Variants in KANSL1 observed in about 807,000 individuals in gnomAD.
KANSL1 encodes KAT8 regulatory NSL complex subunit 1, also known as MLL1/MLL complex subunit KANSL1.
KANSL1 carries 22 observed loss-of-function variants against 103.6 expected under a neutral mutation model. The observed-to-expected ratio is 0.21, with a 90% CI of 0.15 to 0.30. The LOEUF (loss-of-function observed/expected upper bound fraction) is 0.30. Among genes scored for constraint, KANSL1 ranks in the 10% least tolerant of loss-of-function variants. The probability of loss-of-function intolerance (pLI) is 1.00; values close to 1 mark genes in which losing one functional copy is unlikely to be tolerated. For synonymous variants in KANSL1, 600 were observed against 527.6 expected (o/e 1.14, Z -1.88); for missense variants, 1,337 against 1,399.8 (o/e 0.96, Z 0.72).
intron 3 of KANSL1, chr17:46,088,556 A>G (rs1364685487): frequency 6.6e-6 from 1 of 152,208 alleles, no homozygotes; most frequent in Non-Finnish European, 1.5e-5. Flanking sequence ...ATCCTCAGCT[A>G]CAGCTGTGTA....
chr17:46,126,315 G>A (rs755890963), intron 2 of KANSL1, among the ~76,000 whole-genome samples: 5 of 152,130 alleles, frequency 3.3e-5, no homozygotes, highest in South Asian at 4.1e-4. Flanking sequence ...GGTGATGGGC[G>A]CCTGTAATCC....
intron 4 of KANSL1, among the ~76,000 whole-genome samples, chr17:46,075,923 A>G (rs1598554542): frequency 6.6e-6 from 1 of 152,144 alleles, no homozygotes; most frequent in East Asian, 1.9e-4. Context: ...ATCCTTCCCT[A>G]GGAAACTACC....
chr17:46,158,473 G>A (rs1168745966), intron 2 of KANSL1, among the ~76,000 whole-genome samples: 2 of 151,064 alleles, frequency 1.3e-5, no homozygotes, highest in Non-Finnish European at 2.9e-5. Flanking sequence ...AGTGATTCTT[G>A]CACCTCAGCC....
chr17:46,170,994 TA>T lies in KANSL1; in HGVS notation c.1149del (p.Phe383LeufsTer6). ...CTCAAGTTGGCTATGCCACTAGCTG[TA>T]AATCTCTCCAATTCTTCTGAAATTG... ...SNSISEELER[F>X]TASGIANLRC... On this transcript the variant is annotated frameshift_variant, in exon 2 of 15. Coordinates refer to ENST00000432791, the MANE Select transcript of KANSL1 (RefSeq NM_015443.4). LOFTEE classifies it high-confidence loss of function. 1 of 1,614,218 alleles carries T rather than the reference TA, an allele frequency of 6.2e-7. No homozygotes were observed. The highest frequency in any genetic ancestry group is 8.5e-7 in the Non-Finnish European group (1 of 1,180,054).
chr17:46,209,304 A>G (rs980173640), intron 1 of KANSL1, among the ~76,000 whole-genome samples: 3 of 152,242 alleles, frequency 2.0e-5, no homozygotes, highest in African/African-American at 7.2e-5. Flanking sequence ...AAGACAGCTG[A>G]TATTATATAA....
chr17:46,105,121 C>T (rs2042477196), intron 2 of KANSL1, among the ~76,000 whole-genome samples: 4 of 152,164 alleles, frequency 2.6e-5, no homozygotes, highest in South Asian at 2.1e-4. Flanking sequence ...CCTACTGTGT[C>T]TTCTTTAGAG....
chr17:46,186,218 C>CAA (rs150341818), intron 1 of KANSL1, among the ~76,000 whole-genome samples: 125 of 135,922 alleles, frequency 9.2e-4, no homozygotes, highest in Middle Eastern at 3.5e-3. Context: ...TACTAAAATG[C>CAA]AAAAAAAAAA....
chr17:46,153,294 C>CT, intron 2 of KANSL1, among the ~76,000 whole-genome samples: 1 of 152,332 alleles, frequency 6.6e-6, no homozygotes, highest in African/African-American at 2.4e-5. Context: ...GAAGAGCCCT[C>CT]TTTAAATTTC....
intron 2 of KANSL1, among the ~76,000 whole-genome samples, chr17:46,138,745 A>G (rs551652636): frequency 6.6e-6 from 1 of 152,368 alleles, no homozygotes; most frequent in South Asian, 2.1e-4. Flanking sequence ...GTCCAAGACA[A>G]AGATGAGATA....
upstream of KANSL1, among the ~76,000 whole-genome samples, chr17:46,195,216 C>T (rs958050153): frequency 1.3e-5 from 2 of 152,160 alleles, no homozygotes; most frequent in African/African-American, 2.4e-5. Context: ...ATGAAAAATA[C>T]CAAATAAGGC....
intron 2 of KANSL1, among the ~76,000 whole-genome samples, chr17:46,162,639 C>G (rs748488077): frequency 6.6e-6 from 1 of 152,230 alleles, no homozygotes; most frequent in Admixed American, 6.5e-5. Context: ...TCTCTTAAAT[C>G]TTTCCTGCCA....
At chr17:46,104,918 C>T (rs544915080) in intron 2 of KANSL1, among the ~76,000 whole-genome samples, 4 of 152,138 alleles carry the variant, frequency 2.6e-5, no homozygotes, top group East Asian at 1.9e-4. Flanking sequence ...CAGGTTCAAG[C>T]GAATCTCCTG....
intron 2 of KANSL1, among the ~76,000 whole-genome samples, chr17:46,132,845 AG>A (rs1446664814): frequency 3.3e-5 from 5 of 151,754 alleles, no homozygotes; most frequent in African/African-American, 4.8e-5. Context: ...CGGGAGGCTG[AG>A]GCAGAAGGAT....
intron 2 of KANSL1, among the ~76,000 whole-genome samples, chr17:46,108,296 G>A (rs2042657135): frequency 6.6e-6 from 1 of 152,104 alleles, no homozygotes; most frequent in Non-Finnish European, 1.5e-5. Flanking sequence ...GCTGTTTGCT[G>A]AACATGTTAG....
At chr17:46,218,885 T>C (rs2458207) in intron 1 of KANSL1, among the ~76,000 whole-genome samples, 21,952 of 151,986 alleles carry the variant, frequency 0.14, 2,138 homozygotes, top group Middle Eastern at 0.22. Context: ...TCCTCTGAAG[T>C]AAGTGTTATT....
At position 46,038,939 on chromosome 17, in the gene KANSL1, C is replaced by T. The variant is rs1598455889; in HGVS notation, c.2392+88G>A. 3.4e-6 allele frequency: 5 copies of T among 1,480,374 alleles called. No individual in the cohort carries two copies. In the African/African-American group the frequency reaches 7.1e-5, roughly 21 times the overall value. 91.7% of individuals were successfully genotyped at this position (1,480,374 alleles called of 1,614,324 possible). ...CTTTCCTAGAAAGTGAAGGACAAAG[C>T]TGGGGGTAATTAAGAGAAGCCTAGG... is the stretch of plus-strand genomic sequence containing the variant. On this transcript the variant is annotated intron_variant, in intron 9 of 14. Transcript: ENST00000432791.
chr17:46,078,801 G>A (rs2316954), intron 4 of KANSL1, among the ~76,000 whole-genome samples: 21,788 of 152,242 alleles, frequency 0.14, 2,122 homozygotes, highest in Non-Finnish European at 0.22. Context: ...GGGAAGATAA[G>A]AGGCATGTTT....
intron 2 of KANSL1, among the ~76,000 whole-genome samples, chr17:46,107,977 T>C (rs2042642133): frequency 6.6e-6 from 1 of 152,212 alleles, no homozygotes; most frequent in South Asian, 2.1e-4. Flanking sequence ...GCCACTTCAT[T>C]GTTAGTACTT....
chr17:46,126,037 A>T (rs1194001118), intron 2 of KANSL1, among the ~76,000 whole-genome samples: 1 of 152,236 alleles, frequency 6.6e-6, no homozygotes, highest in Non-Finnish European at 1.5e-5. Context: ...TACCAGTAGG[A>T]ATTCAAACTC....
Sources: gnomAD v4.1 joint callset for allele counts (sites outside exome capture counted in the v4.1 genomes callset) on GRCh38, gnomAD v4.1.1 for gene constraint, MANE v1.5 for transcripts, NCBI Gene and HGNC (gene_info 2026-07-23, HGNC 2026-07-21) for gene names.